MECOM: variants seen among roughly 807,000 people sequenced by gnomAD.
MECOM encodes the protein MDS1 and EVI1 complex locus.
In MECOM, 13 loss-of-function variants were observed where a neutral mutation model predicts 116.3. That is an observed-to-expected ratio of 0.11 (90% CI 0.07 to 0.18). MECOM has a LOEUF of 0.18. MECOM is among the 10% of genes least tolerant of loss of function. The pLI is 1.00. For missense variants in MECOM, 1,299 were observed against 1,509.0 expected, an observed-to-expected ratio of 0.86 and a Z score of 2.31; for synonymous variants, 528 against 535.2, an observed-to-expected ratio of 0.99 and a Z score of 0.19.
At chr3:169,467,121 G>A (rs1231712525) in intron 1 of MECOM, 2 of 152,142 alleles carry the variant, frequency 1.3e-5, no homozygotes. Context: ...TTGTTATGAT[G>A]GCAGGTTTAT....
intron 1 of MECOM, among the ~76,000 whole-genome samples, chr3:169,575,474 C>T (rs970883283): frequency 1.1e-4 from 16 of 152,190 alleles, no homozygotes; most frequent in Admixed American, 1.0e-3. Flanking sequence ...TGATGAATCA[C>T]CAAATCTGGG....
chr3:169,093,256 A>T (rs1443932047), intron 13 of MECOM, among the ~76,000 whole-genome samples, 154 bp from the exon 14 acceptor site: 4 of 152,206 alleles, frequency 2.6e-5, no homozygotes, highest in Non-Finnish European at 5.9e-5. Flanking sequence ...AAGTCTCCCC[A>T]GTTTACCATA....
chr3:169,108,704 C>T lies in MECOM; in HGVS notation c.2578-752G>A, dbSNP rs557261565. ...TTTTTAAAGGATGAAAACTTGATTG[C>T]AGAAGAAATCTAACCATATGAAACA... is the stretch of plus-strand genomic sequence containing the variant. On this transcript the variant is annotated intron_variant, in intron 9 of 16. Transcript: ENST00000651503. Among the ~76,000 whole-genome samples, 4 of 152,114 alleles carry T rather than the reference C, an allele frequency of 2.6e-5. No individual in the cohort carries two copies. In the South Asian group the frequency reaches 6.2e-4, roughly 24 times the overall value.
At chr3:169,213,382 A>C (rs1048664998) in intron 2 of MECOM, among the ~76,000 whole-genome samples, 6 of 152,238 alleles carry the variant, frequency 3.9e-5, no homozygotes, top group Non-Finnish European at 5.9e-5. Context: ...AAATTAGATA[A>C]TTTCATCATG....
chr3:169,208,037 A>G (rs1189428816), intron 2 of MECOM, among the ~76,000 whole-genome samples: 2 of 152,048 alleles, frequency 1.3e-5, no homozygotes, highest in Admixed American at 6.6e-5. Context: ...AAAAGTAATT[A>G]TTACTTTACC....
intron 2 of MECOM, among the ~76,000 whole-genome samples, chr3:169,178,464 T>C (rs1407773478): frequency 6.6e-6 from 1 of 152,166 alleles, no homozygotes; most frequent in Non-Finnish European, 1.5e-5. Context: ...GAGTCCATCC[T>C]ACCATGTTCC....
chr3:169,482,328 C>CTTTTTTTTTTTT (rs768771100), intron 1 of MECOM, among the ~76,000 whole-genome samples: 1 of 108,396 alleles, frequency 9.2e-6, no homozygotes, highest in African/African-American at 3.6e-5. Flanking sequence ...AACCCACGTT[C>CTTTTTTTTTTTT]TTTTTTTTTT....
In MECOM at chr3:169,112,923, A is replaced by G. The variant is rs376223473; in HGVS notation, c.2490-49T>C. 2.4e-4 allele frequency: 300 copies of G among 1,270,842 alleles called. 1 individual carries two copies. Among genetic ancestry groups the G allele is most frequent in the Non-Finnish European group, 3.2e-4 (276 of 873,916 alleles). The allele number at this position is 1,270,842 out of a possible 1,614,324, so 78.7% of individuals were successfully genotyped here. On this transcript the variant is annotated intron_variant, in intron 8 of 16. Transcript: ENST00000651503. The stretch of plus-strand genomic sequence containing the variant: ...GGAGATGAAGCAGTCTCACATATCA[A>G]TCACTACATAATCACTGACATTTAA...
chr3:169,160,695 C>CA (rs957279632), intron 2 of MECOM, among the ~76,000 whole-genome samples: 6 of 150,852 alleles, frequency 4.0e-5, no homozygotes, highest in African/African-American at 1.5e-4. Flanking sequence ...GTTTGTAAAA[C>CA]AAAAAAAGGC....
intron 1 of MECOM, among the ~76,000 whole-genome samples, chr3:169,533,591 T>TTTTTTTTTTTTTTTTTTTTTAC (rs55667588): frequency 1.5e-5 from 2 of 132,246 alleles, no homozygotes; most frequent in Non-Finnish European, 3.2e-5. Context: ...TTTTTTTTTT[T>TTTTTTTTTTTTTTTTTTTTTAC]ATTTCCTTAT....
intron 1 of MECOM, among the ~76,000 whole-genome samples, chr3:169,547,240 C>G (rs925546753): frequency 1.3e-5 from 2 of 152,214 alleles, no homozygotes; most frequent in Non-Finnish European, 2.9e-5. Flanking sequence ...CTCGCTCTCT[C>G]TCTCCTGCTC....
In MECOM at chr3:169,084,946, G is replaced by A. The variant is rs779316050; in HGVS notation, c.3683C>T (p.Ala1228Val). ...TATGGACTGGATAGCACTGGATTCC[G>A]CCGCAGCCCTGGCCATACTGTGCCA... ...NVWHSMARAA[A>V]ESSAIQSISH... Residue 1228 changes from alanine to valine, a missense_variant, in exon 17 of 17, where the codon GCG becomes GTG. By Grantham distance (64) the Ala-to-Val change is moderately conservative. Around this residue, in one of 6 missense-constraint regions of MECOM, gnomAD observed 273 missense variants for 289.3 expected, o/e 0.94. Transcript: ENST00000651503. 47 of 1,613,944 alleles carry A rather than the reference G, an allele frequency of 2.9e-5. No individual in the cohort carries two copies. The highest frequency in any genetic ancestry group is 3.3e-4 in the Middle Eastern group (2 of 6,074).
rs575995511 is a variant in MECOM at position 169,139,033 on chromosome 3, C to A, written c.510+4665G>T. Among the ~76,000 whole-genome samples, 39 of 152,182 alleles carry A rather than the reference C, an allele frequency of 2.6e-4. No homozygotes were observed. The South Asian group carries it at 5.8e-3, about 23-fold the overall frequency. ...AGTTAAAACTTTATAAGGTAAAGCA[C>A]AAATGAGAACAATGCCTGTTCCAAC... is the stretch of plus-strand genomic sequence containing the variant. On this transcript the variant is annotated intron_variant, in intron 3 of 16. Transcript: ENST00000651503.
intron 1 of MECOM, among the ~76,000 whole-genome samples, chr3:169,439,102 A>AGAATATTAATATTATTAATATTATT (rs1188160863): frequency 6.9e-6 from 1 of 145,764 alleles, no homozygotes; most frequent in African/African-American, 2.6e-5. Context: ...ATTAGTATCC[A>AGAATATTAATATTATTAATATTATT]GAATATTAAT....
chr3:169,136,975 T>C (rs764034553), intron 3 of MECOM, among the ~76,000 whole-genome samples: 11 of 152,194 alleles, frequency 7.2e-5, no homozygotes, highest in South Asian at 6.2e-4. Context: ...GTTGTAATAA[T>C]TGAAATAATA....
Position 169,290,387 on chromosome 3 carries a change from C to T in MECOM, c.375+90800G>A, listed in dbSNP as rs2149694645. Among the ~76,000 whole-genome samples the T allele has an allele frequency of 3.3e-5, 5 of 152,222 alleles. 1 individual carries two copies. In the South Asian group the frequency reaches 1.0e-3, roughly 32 times the overall value. ...TTAGTTATTCCTTTGAGTATGATCT[C>T]ATAATTGCAAATATTTCATGAATTG... On this transcript the variant is annotated intron_variant, in intron 2 of 16. Transcript: ENST00000651503.
chr3:169,336,922 T>A (rs868626315), intron 2 of MECOM, among the ~76,000 whole-genome samples: 9 of 152,144 alleles, frequency 5.9e-5, no homozygotes, highest in African/African-American at 2.2e-4. Flanking sequence ...GATAGAAACA[T>A]CTCAGTAACT....
At position 169,486,015 on chromosome 3, in the gene MECOM, T is replaced by C. The variant is rs1424698254; in HGVS notation, c.38-104491A>G. ...TATATGTATATATATACTATATATA[T>C]ATGTATATATAGTATATATATATAT... On this transcript the variant is annotated intron_variant, in intron 1 of 16. Coordinates refer to ENST00000651503, the MANE Select transcript of MECOM (RefSeq NM_004991.4). 6.3e-5 allele frequency among the ~76,000 whole-genome samples: 8 copies of C among 126,152 alleles called. 1 individual carries two copies. Among genetic ancestry groups the C allele is most frequent in the African/African-American group, 2.0e-4 (6 of 29,442 alleles). The allele number at this position is 126,152 out of a possible 152,430, so 82.8% of individuals were successfully genotyped here.
intron 1 of MECOM, chr3:169,477,146 T>TAC (rs1560327222): frequency 4.9e-4 from 22 of 44,828 alleles, no homozygotes; most frequent in African/African-American, 1.8e-3. Context: ...TATATATATA[T>TAC]ATACACACAC....
Sources: allele counts gnomAD v4.1 joint callset (sites outside exome capture counted in the v4.1 genomes callset), GRCh38; gene constraint gnomAD v4.1.1; regional missense constraint gnomAD v4.1.1; transcripts MANE v1.5; gene names NCBI Gene and HGNC (gene_info 2026-07-23, HGNC 2026-07-21).